CCDC57: variants seen among roughly 807,000 people sequenced by gnomAD.
CCDC57 encodes the protein coiled-coil domain-containing protein 57.
Under a neutral mutation model 118.9 loss-of-function variants are expected in CCDC57, and 118 were observed. The observed-to-expected ratio is 0.99, with a 90% CI of 0.86 to 1.16. The LOEUF (loss-of-function observed/expected upper bound fraction) is 1.16, where lower values mean the gene tolerates loss of function less well. Among genes scored for constraint, CCDC57 ranks in the 50% most tolerant of loss-of-function variants. The pLI is 0.00. For synonymous variants in CCDC57, 527 were observed against 532.9 expected (o/e 0.99, Z 0.15); for missense variants, 1,300 against 1,320.7 (o/e 0.98, Z 0.24).
intron 14 of CCDC57, among the ~76,000 whole-genome samples, chr17:82,162,013 T>C (rs2043400544): frequency 6.6e-6 from 1 of 152,168 alleles, no homozygotes; most frequent in Admixed American, 6.5e-5. Context: ...AAAATTTTTT[T>C]TTTGAGATGG....
At chr17:82,126,964 G>C (rs969765648) in intron 19 of CCDC57, 1 of 985,302 alleles carries the variant, frequency 1.0e-6, no homozygotes, top group Non-Finnish European at 1.2e-6. Context: ...CACATCACAC[G>C]TCCCGCAACT....
chr17:82,113,025 T>G, intron 19 of CCDC57: 27 of 250,828 alleles, frequency 1.1e-4, no homozygotes, highest in East Asian at 1.6e-4. Context: ...AGTAAGCCGA[T>G]TTGGTTATTT....
chr17:82,149,802 C>T (rs1274746065), intron 16 of CCDC57, among the ~76,000 whole-genome samples: 2 of 147,448 alleles, frequency 1.4e-5, no homozygotes, highest in Non-Finnish European at 3.0e-5. Flanking sequence ...GGCGCACACC[C>T]GGAACCTGAC....
chr17:82,101,863 A>G, exon 20 of CCDC57: 1 of 1,572,458 alleles, frequency 6.4e-7, no homozygotes, highest in South Asian at 1.2e-5. Context: ...AGGAGCTGGG[A>G]GCTCTGTCAG....
exon 16 of CCDC57, chr17:82,151,766 G>A (rs980548892): frequency 1.9e-6 from 3 of 1,549,642 alleles, no homozygotes; most frequent in African/African-American, 2.7e-5. Context: ...CCCTCTCTTG[G>A]TGAGGCCCTG....
At chr17:82,178,114 C>A (rs753391083) in intron 11 of CCDC57, among the ~76,000 whole-genome samples, 1 of 152,188 alleles carries the variant, frequency 6.6e-6, no homozygotes, top group Non-Finnish European at 1.5e-5. Flanking sequence ...ACTTAACTAT[C>A]GGCCACTAAC....
At chr17:82,142,055 C>T (rs1269207117) in intron 16 of CCDC57, among the ~76,000 whole-genome samples, 1 of 152,120 alleles carries the variant, frequency 6.6e-6, no homozygotes, top group Non-Finnish European at 1.5e-5. Flanking sequence ...GCTTTTTTGA[C>T]CTTTCCTTGG....
chr17:82,170,950 G>T (rs539729386), intron 13 of CCDC57, among the ~76,000 whole-genome samples: 1 of 152,392 alleles, frequency 6.6e-6, no homozygotes, highest in East Asian at 1.9e-4. Flanking sequence ...CTTTGGAGAA[G>T]AATCTGGCAT....
chr17:82,115,792 CTTTTTT>C (rs35213711), intron 19 of CCDC57, among the ~76,000 whole-genome samples: 789 of 65,716 alleles, frequency 0.012, 9 homozygotes, highest in African/African-American at 0.051. Flanking sequence ...TTTATGCAAC[CTTTTTT>C]TTTTTTTTTT....
chr17:82,190,982 G>A (rs907456849), intron 7 of CCDC57, among the ~76,000 whole-genome samples: 10 of 151,966 alleles, frequency 6.6e-5, no homozygotes, highest in Admixed American at 4.6e-4. Context: ...AAAAAGCCAC[G>A]GAAGCCATCC....
In CCDC57 at chr17:82,212,311, G is replaced by C. The variant is rs541463228; in HGVS notation, c.-211+474C>G. ...GTTGGCCAGGCTGGTCTCGAACTCC[G>C]GGCCTCAAGCAATCTGCCCGCCTCT... On this transcript the variant is annotated intron_variant, in intron 1 of 19. Coordinates refer to ENST00000665763, the Ensembl canonical transcript of CCDC57. The surrounding 1 kb of genome is among the most constrained non-coding windows in gnomAD (Gnocchi z 4.1). Among the ~76,000 whole-genome samples, 1 of 152,022 alleles carries C rather than the reference G, an allele frequency of 6.6e-6. No homozygotes were observed. Among genetic ancestry groups the C allele is most frequent in the Non-Finnish European group, 1.5e-5 (1 of 67,976 alleles).
chr17:82,138,593 T>C (rs1568223923), intron 16 of CCDC57, among the ~76,000 whole-genome samples: 1 of 149,782 alleles, frequency 6.7e-6, no homozygotes, highest in Non-Finnish European at 1.5e-5. Flanking sequence ...TTAGGTTTCT[T>C]TGATGTGTTA....
intron 9 of CCDC57, 105 bp downstream of exon 8, chr17:82,183,669 T>C: frequency 9.2e-7 from 1 of 1,084,936 alleles, no homozygotes; most frequent in East Asian, 2.6e-5. Context: ...CCCAAGAAAA[T>C]GTGAGGCCAG....
chr17:82,106,536 C>G (rs2034858273), intron 19 of CCDC57: 1 of 152,300 alleles, frequency 6.6e-6, no homozygotes, highest in Non-Finnish European at 1.5e-5. Flanking sequence ...ACACCCCACC[C>G]TTCTCCTGCC....
intron 7 of CCDC57, among the ~76,000 whole-genome samples, chr17:82,190,999 A>G (rs1426746968): frequency 6.6e-6 from 1 of 151,946 alleles, no homozygotes; most frequent in African/African-American, 2.4e-5. Context: ...ATCCAGCCCA[A>G]ATAATAAATT....
intron 9 of CCDC57, among the ~76,000 whole-genome samples, chr17:82,180,267 C>G (rs1364847753): frequency 2.0e-5 from 3 of 152,128 alleles, no homozygotes; most frequent in South Asian, 4.1e-4. Flanking sequence ...CTGCCAACAG[C>G]TGGGTGAGTC....
intron 13 of CCDC57, among the ~76,000 whole-genome samples, chr17:82,167,508 G>A (rs868647253): frequency 2.0e-5 from 3 of 152,076 alleles, no homozygotes; most frequent in Admixed American, 6.5e-5. Context: ...CCACCACCAT[G>A]CCCAGCTAAT....
intron 19 of CCDC57, among the ~76,000 whole-genome samples, chr17:82,103,712 AG>A (rs1281180964): frequency 6.6e-6 from 1 of 152,000 alleles, no homozygotes; most frequent in African/African-American, 2.4e-5. Flanking sequence ...GAGCTGAGGG[AG>A]GGGGGTGAAG....
intron 17 of CCDC57, among the ~76,000 whole-genome samples, chr17:82,130,626 C>T (rs932415487): frequency 1.3e-5 from 2 of 151,312 alleles, no homozygotes; most frequent in African/African-American, 4.9e-5. Context: ...CCTCAGCCTC[C>T]CGAGTAGCTG....
Sources: allele counts gnomAD v4.1 joint callset (sites outside exome capture counted in the v4.1 genomes callset), GRCh38; gene constraint gnomAD v4.1.1; non-coding constraint Gnocchi (gnomAD v3.1); transcripts MANE v1.5; gene names NCBI Gene and HGNC (gene_info 2026-07-23, HGNC 2026-07-21).